CACNA1E: variants seen among roughly 807,000 people sequenced by gnomAD.
CACNA1E encodes voltage-dependent R-type calcium channel subunit alpha-1E.
In CACNA1E, 40 loss-of-function variants were observed where a neutral mutation model predicts 259.2. The observed-to-expected ratio is 0.15, with a 90% confidence interval of 0.12 to 0.20. The LOEUF is 0.20. Ranked by LOEUF, CACNA1E falls within the 10% of genes least tolerant of loss-of-function variation. CACNA1E has a pLI of 1.00. For synonymous variants in CACNA1E, 1,104 were observed against 1,138.5 expected, an observed-to-expected ratio of 0.97 and a Z score of 0.61; for missense variants, 1,874 against 3,040.1, an observed-to-expected ratio of 0.62 and a Z score of 9.02.
intron 6 of CACNA1E, among the ~76,000 whole-genome samples, chr1:181,643,779 C>A (rs1194162347): frequency 6.6e-6 from 1 of 152,230 alleles, no homozygotes; most frequent in East Asian, 1.9e-4. Context: ...TCCTCAGTGA[C>A]AATCACTGAC....
intron 6 of CACNA1E, among the ~76,000 whole-genome samples, chr1:181,640,557 C>A (rs1558216132): frequency 6.6e-6 from 1 of 152,144 alleles, no homozygotes; most frequent in Non-Finnish European, 1.5e-5. Context: ...TTAATTAAAA[C>A]AGAGATGTTC....
chr1:181,577,660 C>T (rs1450023471), intron 3 of CACNA1E, 106 bp from the exon 4 acceptor site: 8 of 667,892 alleles, frequency 1.2e-5, no homozygotes, highest in South Asian at 3.7e-5. Context: ...CTGGCGTCAG[C>T]GCTGTGTGCT....
At chr1:181,672,910 C>T (rs1172202207) in intron 7 of CACNA1E, among the ~76,000 whole-genome samples, 2 of 152,120 alleles carry the variant, frequency 1.3e-5, no homozygotes, top group Non-Finnish European at 2.9e-5. Context: ...GTCCTTCGGT[C>T]AGGGAGGAGT....
chr1:181,714,451 A>G (rs1558297003), intron 8 of CACNA1E, among the ~76,000 whole-genome samples: 1 of 152,152 alleles, frequency 6.6e-6, no homozygotes, highest in Non-Finnish European at 1.5e-5. Flanking sequence ...CCCAACATTT[A>G]GCATGCCCAT....
intron 2 of CACNA1E, among the ~76,000 whole-genome samples, chr1:181,453,126 A>G (rs1403659993): frequency 6.6e-6 from 1 of 152,252 alleles, no homozygotes; most frequent in African/African-American, 2.4e-5. Context: ...TTGTACGTTC[A>G]TTAAAACAAT....
intron 7 of CACNA1E, among the ~76,000 whole-genome samples, chr1:181,662,128 T>TG (rs1436270748): frequency 6.6e-6 from 1 of 152,142 alleles, no homozygotes; most frequent in Non-Finnish European, 1.5e-5. Context: ...TGTGTGACCA[T>TG]GGGGGTCACA....
chr1:181,545,225 G>A (rs1204969608), intron 3 of CACNA1E, among the ~76,000 whole-genome samples: 1 of 152,214 alleles, frequency 6.6e-6, no homozygotes, highest in African/African-American at 2.4e-5. Context: ...AGCCTTGCCT[G>A]TGTCTGAAAT....
chr1:181,602,459 G>A (rs976325385), intron 6 of CACNA1E, among the ~76,000 whole-genome samples: 1 of 152,118 alleles, frequency 6.6e-6, no homozygotes, highest in Admixed American at 6.5e-5. Context: ...GGGCCATCAT[G>A]TTGGTTCTCA....
At chr1:181,629,535 AG>A (rs1240251204) in intron 6 of CACNA1E, among the ~76,000 whole-genome samples, 1 of 152,326 alleles carries the variant, frequency 6.6e-6, no homozygotes, top group Non-Finnish European at 1.5e-5. Flanking sequence ...TATTTGACTT[AG>A]TAACATTAAA....
At position 181,802,649 on chromosome 1, in the gene CACNA1E, T is replaced by C. The variant is rs1385985141; in HGVS notation, c.*3815T>C. 6.6e-6 allele frequency: 1 copy of C among 152,240 alleles called. No homozygotes were observed. Among genetic ancestry groups the C allele is most frequent in the Non-Finnish European group, 1.5e-5 (1 of 68,054 alleles). 9.4% of individuals were successfully genotyped at this position (152,240 alleles called of 1,614,324 possible). A position where few individuals can be genotyped will look rare whatever the true frequency, so the allele number is the denominator to read the frequency against. ...GAAATAGGGTTTGGAACTCACCTGGTGCTCCTCGCAAGACAACTGACACAA... is the reference window on the plus strand; with the variant it reads ...GAAATAGGGTTTGGAACTCACCTGGCGCTCCTCGCAAGACAACTGACACAA... On this transcript the variant is annotated 3_prime_UTR_variant, in exon 48 of 48. Coordinates refer to ENST00000367573, the MANE Select transcript of CACNA1E (RefSeq NM_001205293.3).
At chr1:181,508,567 C>G (rs867154270) in intron 1 of CACNA1E, among the ~76,000 whole-genome samples, 1 of 152,266 alleles carries the variant, frequency 6.6e-6, no homozygotes, top group South Asian at 2.1e-4. Context: ...ACACTGGGTC[C>G]TTGTGTGGTT....
At chr1:181,682,803 A>G (rs1650112674) in intron 7 of CACNA1E, among the ~76,000 whole-genome samples, 2 of 152,238 alleles carry the variant, frequency 1.3e-5, no homozygotes, top group South Asian at 4.1e-4. Context: ...AGATCTCATG[A>G]GAACTTACTA....
At position 181,785,754 on chromosome 1, in the gene CACNA1E, G is replaced by A; in HGVS notation, c.5721G>A (p.Leu1907=). Residue 1907 remains leucine, a synonymous_variant, in exon 43 of 48, where the codon CTG becomes CTA. Transcript: ENST00000367573. ...TCCAGCGCATGGAGCCTTCATCTCTGCCTCAGGAGATCATTGCTAATGCCA... is the reference window on the plus strand; with the variant it reads ...TCCAGCGCATGGAGCCTTCATCTCTACCTCAGGAGATCATTGCTAATGCCA... ...PMFQRMEPSS[L]PQEIIANAKA... is the part of the protein sequence containing the mutation. 4.3e-6 allele frequency: 7 copies of A among 1,613,168 alleles called. No individual in the cohort carries two copies. The highest frequency in any genetic ancestry group is 5.1e-6 in the Non-Finnish European group (6 of 1,179,696).
At chr1:181,722,160 G>C (rs1212351778) in intron 16 of CACNA1E, among the ~76,000 whole-genome samples, 1 of 152,116 alleles carries the variant, frequency 6.6e-6, no homozygotes, top group South Asian at 2.1e-4. Flanking sequence ...ATGAGCTGGG[G>C]AACATTAGAC....
intron 7 of CACNA1E, among the ~76,000 whole-genome samples, chr1:181,666,578 G>A (rs750265967): frequency 2.6e-5 from 4 of 151,990 alleles, no homozygotes; most frequent in South Asian, 2.1e-4. Context: ...AAATGTAAAT[G>A]TATAAGAGTA....
chr1:181,719,845 G>A lies in CACNA1E; in HGVS notation c.1733G>A (p.Arg578Lys). The A allele has an allele frequency of 6.4e-7, 1 of 1,574,552 alleles. No individual in the cohort carries two copies. The highest frequency in any genetic ancestry group is 8.6e-7 in the Non-Finnish European group (1 of 1,156,210). The change falls in exon 13 of 48, where the codon AGA (arginine) becomes AAA (lysine). Residue 578 changes from arginine to lysine, a missense_variant. Physicochemically the swap from Arg to Lys is conservative, Grantham distance 26. Coordinates refer to ENST00000367573, the MANE Select transcript of CACNA1E (RefSeq NM_001205293.3). ...ISVLRALRLL[R>K]IFKITKYWAS... The stretch of plus-strand genomic sequence containing the variant: ...GTCTTGCGAGCCCTCCGGCTTCTAA[G>A]AATATTTAAAATAACCAAGTAAGTG...
At chr1:181,538,524 T>C (rs1337355347) in intron 3 of CACNA1E, among the ~76,000 whole-genome samples, 2 of 152,216 alleles carry the variant, frequency 1.3e-5, no homozygotes, top group Non-Finnish European at 2.9e-5. Flanking sequence ...ATATGTAAAT[T>C]GGAATGCAAA....
At chr1:181,711,856 CT>C (rs1653401444) in intron 8 of CACNA1E, among the ~76,000 whole-genome samples, 1 of 152,056 alleles carries the variant, frequency 6.6e-6, no homozygotes, top group South Asian at 2.1e-4. Context: ...CGTGTTTGAC[CT>C]TATGGGGCCT....
At chr1:181,434,449 G>A (rs1444542752) in intron 2 of CACNA1E, among the ~76,000 whole-genome samples, 2 of 150,704 alleles carry the variant, frequency 1.3e-5, no homozygotes, top group East Asian at 3.9e-4. Flanking sequence ...CCAGACAAGT[G>A]TCTGATCTCA....
Sources: gnomAD v4.1 joint callset for allele counts (sites outside exome capture counted in the v4.1 genomes callset) on GRCh38, gnomAD v4.1.1 for gene constraint, MANE v1.5 for transcripts, NCBI Gene and HGNC (gene_info 2026-07-23, HGNC 2026-07-21) for gene names.